SGTB: variants seen among roughly 807,000 people sequenced by gnomAD.
The protein encoded by SGTB is small glutamine-rich tetratricopeptide repeat-containing protein beta.
In SGTB, 19 loss-of-function variants were observed where a neutral mutation model predicts 43.9. The ratio of observed to expected loss-of-function variants is 0.43; its 90% CI spans 0.30 to 0.63. The LOEUF (loss-of-function observed/expected upper bound fraction) is 0.63. SGTB is among the 30% of genes least tolerant of loss of function. The pLI is 0.12. For missense variants in SGTB, 304 were observed against 358.9 expected (o/e 0.85, Z 1.24); for synonymous variants, 116 against 117.3 (o/e 0.99, Z 0.07).
chr5:65,701,488 G>T (rs1367644228), intron 5 of SGTB, among the ~76,000 whole-genome samples: 1 of 151,868 alleles, frequency 6.6e-6, no homozygotes, highest in African/African-American at 2.4e-5. Flanking sequence ...AGAAAAATTG[G>T]ACTACATAAA....
At chr5:65,674,789 C>T (rs1757233715) in intron 8 of SGTB, among the ~76,000 whole-genome samples, 1 of 151,848 alleles carries the variant, frequency 6.6e-6, no homozygotes. Context: ...GTTACAATGC[C>T]ATAACCTGAG....
chr5:65,701,629 A>AT (rs1447310100), intron 5 of SGTB, among the ~76,000 whole-genome samples: 9 of 140,906 alleles, frequency 6.4e-5, no homozygotes, highest in African/African-American at 2.4e-4. Context: ...ATTTAAATTA[A>AT]ATTTTTTTTT....
rs114512129 is a variant in SGTB, at chr5:65,707,855, T to C, written c.274+634A>G. ...CTCTGTCTATATATAGAACAGAGGA[T>C]TTATTGGCTGTCACTCACTGCTAAA... On this transcript the variant is annotated intron_variant, in intron 4 of 10. Transcript: ENST00000381007. 9.3e-3 allele frequency among the ~76,000 whole-genome samples: 1,423 copies of C among 152,234 alleles called. 29 individuals carry two copies. The highest frequency in any genetic ancestry group is 0.032 in the African/African-American group (1,334 of 41,514).
chr5:65,702,016 C>T (rs530034555), intron 5 of SGTB, among the ~76,000 whole-genome samples: 2 of 152,358 alleles, frequency 1.3e-5, no homozygotes, highest in East Asian at 3.9e-4. Flanking sequence ...TCAACAGCCA[C>T]TGTGGCTAGT....
rs1429052552 is a variant in SGTB at position 65,669,621 on chromosome 5, T to C, written c.*625A>G. On this transcript the variant is annotated 3_prime_UTR_variant, in exon 11 of 11. Coordinates refer to ENST00000381007, the MANE Select transcript of SGTB (RefSeq NM_019072.3). ...CATTCGCATTACCAATTTTTTCTTTTCAAAACATCCCTTGCATCAAGTGCT... is the reference window on the plus strand; with the variant it reads ...CATTCGCATTACCAATTTTTTCTTTCCAAAACATCCCTTGCATCAAGTGCT... 6.6e-6 allele frequency: 1 copy of C among 152,530 alleles called. No individual in the cohort carries two copies. The highest frequency in any genetic ancestry group is 1.5e-5 in the Non-Finnish European group (1 of 68,032). 9.4% of individuals were successfully genotyped at this position (152,530 alleles called of 1,614,324 possible).
chr5:65,668,649 G>A lies in SGTB; in HGVS notation c.*1597C>T, dbSNP rs576540897. ...CCAGCTACTCAGGAGGCTGAGGCAG[G>A]AGAATCACTTGAACCCGGGAGGCAG... On this transcript the variant is annotated 3_prime_UTR_variant, in exon 11 of 11. Coordinates refer to ENST00000381007, the MANE Select transcript of SGTB (RefSeq NM_019072.3). 2.0e-5 allele frequency: 3 copies of A among 152,112 alleles called. No homozygotes were observed. The highest frequency in any genetic ancestry group is 4.2e-4 in the South Asian group (2 of 4,804). 9.4% of individuals were successfully genotyped at this position (152,112 alleles called of 1,614,324 possible).
intron 2 of SGTB, among the ~76,000 whole-genome samples, chr5:65,714,727 A>G (rs947478396): frequency 6.6e-6 from 1 of 152,198 alleles, no homozygotes; most frequent in South Asian, 2.1e-4. Context: ...AGGCATGGGA[A>G]TTGCTTGAAC....
chr5:65,685,750 C>T (rs1272393403), intron 5 of SGTB, among the ~76,000 whole-genome samples: 1 of 152,146 alleles, frequency 6.6e-6, no homozygotes, highest in Non-Finnish European at 1.5e-5. Flanking sequence ...TATTTATACC[C>T]TTTCTAGTTT....
chr5:65,704,035 CAAA>C (rs11405488), intron 5 of SGTB, among the ~76,000 whole-genome samples: 7 of 133,412 alleles, frequency 5.2e-5, no homozygotes, highest in African/African-American at 1.6e-4. Context: ...GACTCCGTCT[CAAA>C]AAAAAAAAAA....
upstream of SGTB, chr5:65,722,444 C>G (rs201139520): frequency 7.1e-4 from 1,118 of 1,565,472 alleles, no homozygotes; most frequent in Non-Finnish European, 9.2e-4. Context: ...TAACCTTGGC[C>G]GTGGGCAGGG....
chr5:65,670,272 T>C lies in SGTB; in HGVS notation c.889A>G (p.Ser297Gly). ...LRNHIRSRSFSSSAEEHS is the reference protein window; with the variant it reads ...LRNHIRSRSFGSSAEEHS ...CAGGAATGCTCTTCAGCGCTGCTGC[T>C]GAATGATCTGCTCCGGATGTGATTT... The change falls in exon 11 of 11, where the codon AGC becomes GGC. Residue 297 changes from serine to glycine, a missense_variant. Physicochemically the swap from Ser to Gly is moderately conservative, Grantham distance 56. Transcript: ENST00000381007. 6.2e-7 allele frequency: 1 copy of C among 1,614,194 alleles called. No homozygotes were observed. The highest frequency in any genetic ancestry group is 8.5e-7 in the Non-Finnish European group (1 of 1,180,004).
At chr5:65,715,019 GA>G (rs1301339604) in intron 2 of SGTB, among the ~76,000 whole-genome samples, 1 of 152,206 alleles carries the variant, frequency 6.6e-6, no homozygotes, top group Non-Finnish European at 1.5e-5. Context: ...TTGAGAAATT[GA>G]TTGGGATTAG....
intron 2 of SGTB, among the ~76,000 whole-genome samples, chr5:65,719,123 C>T (rs1357358222): frequency 6.6e-6 from 1 of 152,208 alleles, no homozygotes; most frequent in African/African-American, 2.4e-5. Context: ...GGAAAGACAT[C>T]AACTAACCAG....
intron 3 of SGTB, among the ~76,000 whole-genome samples, chr5:65,708,983 G>A (rs182385623): frequency 4.0e-4 from 61 of 152,058 alleles, no homozygotes; most frequent in Non-Finnish European, 6.6e-4. Flanking sequence ...AGAGGTTGCA[G>A]TGAGCTGAGA....
At position 65,707,439 on chromosome 5, in the gene SGTB, T is replaced by C. The variant is rs916345244; in HGVS notation, c.274+1050A>G. Among the ~76,000 whole-genome samples the C allele has an allele frequency of 4.3e-4, 56 of 131,510 alleles. 1 individual carries two copies. The highest frequency in any genetic ancestry group is 8.2e-4 in the African/African-American group (28 of 34,324). The allele number at this position is 131,510 out of a possible 152,430, so 86.3% of individuals were successfully genotyped here. ...ACACACACACACACACACACACATA[T>C]ATTTTTTTTTTTTTGAGATGGAGTC... is the stretch of plus-strand genomic sequence containing the variant. On this transcript the variant is annotated intron_variant, in intron 4 of 10. Coordinates refer to ENST00000381007, the MANE Select transcript of SGTB (RefSeq NM_019072.3).
At chr5:65,673,212 T>G (rs1327256143) in intron 8 of SGTB, among the ~76,000 whole-genome samples, 1 of 152,222 alleles carries the variant, frequency 6.6e-6, no homozygotes, top group Non-Finnish European at 1.5e-5. Flanking sequence ...GCAATTAATG[T>G]CTCAGTGTAA....
At chr5:65,676,734 G>A (rs192732913) in intron 8 of SGTB, among the ~76,000 whole-genome samples, 1 of 151,958 alleles carries the variant, frequency 6.6e-6, no homozygotes, top group African/African-American at 2.4e-5. Flanking sequence ...TAAAATTAAG[G>A]CAGAACTTCT....
At chr5:65,714,572 T>C (rs1011878978) in intron 2 of SGTB, among the ~76,000 whole-genome samples, 17 of 152,266 alleles carry the variant, frequency 1.1e-4, no homozygotes, top group African/African-American at 3.8e-4. Context: ...CCCAGCACTT[T>C]GGGAGGCTGA....
Position 65,666,902 on chromosome 5 carries a change from G to C in SGTB, c.*3344C>G, listed in dbSNP as rs1757050509. The stretch of plus-strand genomic sequence containing the variant: ...AAGTTTTTTTTCTTATAGTATCTTT[G>C]TCTGGGTAATACTGGTCAAATAAAA... On this transcript the variant is annotated 3_prime_UTR_variant, in exon 11 of 11. Transcript: ENST00000381007. 1 of 152,044 alleles carries C rather than the reference G, an allele frequency of 6.6e-6. No homozygotes were observed. Among genetic ancestry groups the C allele is most frequent in the South Asian group, 2.1e-4 (1 of 4,818 alleles). 9.4% of individuals were successfully genotyped at this position (152,044 alleles called of 1,614,324 possible).
Sources: gnomAD v4.1 joint callset for allele counts (sites outside exome capture counted in the v4.1 genomes callset) on GRCh38, gnomAD v4.1.1 for gene constraint, MANE v1.5 for transcripts, NCBI Gene and HGNC (gene_info 2026-07-23, HGNC 2026-07-21) for gene names.